HERC2: variants seen among roughly 807,000 people sequenced by gnomAD.
HERC2 encodes the protein HECT and RLD domain containing E3 ubiquitin protein ligase 2.
A neutral mutation model predicts 537.7 loss-of-function variants in HERC2; 102 were observed. The observed-to-expected ratio is 0.19, with a 90% CI of 0.16 to 0.22. The LOEUF is 0.22. Among genes scored for constraint, HERC2 ranks in the 10% least tolerant of loss-of-function variants. HERC2 has a pLI of 1.00. For synonymous variants in HERC2, 2,224 were observed against 2,466.2 expected, an observed-to-expected ratio of 0.90 and a Z score of 2.91; for missense variants, 4,236 against 6,198.2, an observed-to-expected ratio of 0.68 and a Z score of 10.63.
At chr15:28,221,950 C>T (rs1374778978) in intron 36 of HERC2, 78 bp downstream of exon 36, 38 of 1,037,426 alleles carry the variant, frequency 3.7e-5, no homozygotes, top group Non-Finnish European at 5.2e-5. Context: ...TTCCAATTTC[C>T]ACCCACCAAT....
chr15:28,160,146 G>T (rs1382411657), intron 69 of HERC2, among the ~76,000 whole-genome samples: 3 of 152,188 alleles, frequency 2.0e-5, no homozygotes, highest in African/African-American at 7.2e-5. Context: ...TGCTCCTACT[G>T]GGGGGTGCCT....
chr15:28,226,343 C>T (rs935180832), intron 35 of HERC2, among the ~76,000 whole-genome samples: 1 of 150,832 alleles, frequency 6.6e-6, no homozygotes, highest in African/African-American at 2.5e-5. Context: ...AGAAAGAAAA[C>T]ACACTTCTCA....
intron 65 of HERC2, 55 bp from the exon 66 acceptor site, chr15:28,169,710 T>C (rs1383792779): frequency 6.5e-7 from 1 of 1,534,348 alleles, no homozygotes; most frequent in Non-Finnish European, 8.9e-7. Flanking sequence ...TTGATCTATT[T>C]CTATAAAATC....
At chr15:28,251,407 C>A (rs2075074965) in intron 20 of HERC2, among the ~76,000 whole-genome samples, 1 of 150,430 alleles carries the variant, frequency 6.6e-6, no homozygotes, top group South Asian at 2.1e-4. Flanking sequence ...CGTGCCACTG[C>A]ACTCCAGTCT....
chr15:28,120,057 G>C (rs1207747213), intron 86 of HERC2, among the ~76,000 whole-genome samples: 1 of 152,188 alleles, frequency 6.6e-6, no homozygotes, highest in Non-Finnish European at 1.5e-5. Context: ...AATCGCGGGG[G>C]TTAGACAACG....
intron 15 of HERC2, among the ~76,000 whole-genome samples, chr15:28,261,946 A>T (rs2075425685): frequency 6.6e-6 from 1 of 152,106 alleles, no homozygotes; most frequent in Non-Finnish European, 1.5e-5. Context: ...AACGAACTAC[A>T]GCCCCCACAC....
Position 28,168,539 on chromosome 15 carries a change from C to T in HERC2, c.10281G>A (p.Glu3427=), listed in dbSNP as rs771110363. The T allele has an allele frequency of 4.3e-6, 7 of 1,614,108 alleles. No homozygotes were observed. The highest frequency in any genetic ancestry group is 5.9e-6 in the Non-Finnish European group (7 of 1,180,052). The part of the protein sequence containing the change: ...LMPAAMIAPV[E]CPSFSSAAPS... The stretch of plus-strand genomic sequence containing the variant: ...GGGCCGCCGAGGAGAACGAGGGGCA[C>T]TCCACCGGGGCGATCATGGCGGCCG... The change falls in exon 67 of 93, where the codon GAG becomes GAA. Residue 3427 remains glutamate (E), a synonymous_variant. Transcript: ENST00000261609.
chr15:28,231,845 A>C (rs935383094), intron 30 of HERC2, among the ~76,000 whole-genome samples: 5 of 152,156 alleles, frequency 3.3e-5, no homozygotes. Context: ...TTCCAAAAAA[A>C]AAAAAAGAAA....
At chr15:28,118,792 T>C (rs1888559089) in intron 86 of HERC2, among the ~76,000 whole-genome samples, 1 of 152,242 alleles carries the variant, frequency 6.6e-6, no homozygotes, top group South Asian at 2.1e-4. Flanking sequence ...TCCATGTTCA[T>C]TTTTAGGCAG....
chr15:28,214,052 T>C, intron 41 of HERC2, 24 bp downstream of exon 41: 1 of 1,613,148 alleles, frequency 6.2e-7, no homozygotes. Flanking sequence ...TTGAACTAAA[T>C]TAATTCTGAG....
In HERC2 at chr15:28,246,876, C is replaced by G; in HGVS notation, c.3257G>C (p.Gly1086Ala). Residue 1086 changes from glycine to alanine, a missense_variant, in exon 22 of 93, where the codon GGT becomes GCT. Physicochemically the swap from Gly to Ala is moderately conservative, Grantham distance 60 (BLOSUM62 0). Coordinates refer to ENST00000261609, the MANE Select transcript of HERC2 (RefSeq NM_004667.6). ...DISSPELMGV[G>A]SLLKKYTALL... ...GGCTGTGTACTTCTTCAGCAAGGAA[C>G]CAACACCCATTAGCTCTGGACCTTG... The G allele has an allele frequency of 6.2e-7, 1 of 1,609,202 alleles. No individual in the cohort carries two copies. Among genetic ancestry groups the G allele is most frequent in the Non-Finnish European group, 8.5e-7 (1 of 1,178,438 alleles).
chr15:28,234,179 G>A lies in HERC2; in HGVS notation c.4109C>T (p.Thr1370Ile). 1.1e-6 allele frequency: 1 copy of A among 915,192 alleles called. No individual in the cohort carries two copies. Among genetic ancestry groups the A allele is most frequent in the South Asian group, 1.3e-5 (1 of 76,534 alleles). The allele number at this position is 915,192 out of a possible 1,614,324, so 56.7% of individuals were successfully genotyped here. Residue 1370 changes from threonine to isoleucine, a missense_variant, in exon 27 of 93, where the codon ACA becomes ATA. By Grantham distance (89) the Thr-to-Ile change is moderately conservative. Transcript: ENST00000261609. ...DEDHCSSPGG[T>I]PASKSRLCSH... ...GCAGAGTCGAGATTTGCTGGCAGGT[G>A]TGCCCCCTGGGGAGCTGCAGTGGTC...
chr15:28,272,997 G>A lies in HERC2; in HGVS notation c.808C>T (p.His270Tyr), dbSNP rs1390942794. ...FLRSVVTGDV[H>Y]GTPATKGPGS... ...GGCCCTTTGGTGGCTGGCGTTCCGT[G>A]AACATCCCTGAAATGAAAGCAGTGG... Residue 270 changes from histidine (H) to tyrosine (Y), a missense_variant, in exon 8 of 93, where the codon CAC (histidine) becomes TAC (tyrosine). His to Tyr is a moderately conservative substitution (Grantham distance 83, BLOSUM62 2). Transcript: ENST00000261609. 10 of 1,611,990 alleles carry A rather than the reference G, an allele frequency of 6.2e-6. No homozygotes were observed. Among genetic ancestry groups the A allele is most frequent in the East Asian group, 2.2e-5 (1 of 44,884 alleles).
intron 20 of HERC2, among the ~76,000 whole-genome samples, chr15:28,251,614 A>C (rs1169257309): frequency 6.6e-6 from 1 of 152,204 alleles, no homozygotes; most frequent in African/African-American, 2.4e-5. Context: ...CAGCCTGGCC[A>C]ACATGGTGAA....
chr15:28,154,502 C>T (rs898709263), intron 69 of HERC2, among the ~76,000 whole-genome samples: 1 of 152,156 alleles, frequency 6.6e-6, no homozygotes, highest in Non-Finnish European at 1.5e-5. Flanking sequence ...CATCATCAAG[C>T]GCCCATGTGC....
At position 28,124,167 on chromosome 15, in the gene HERC2, A is replaced by T; in HGVS notation, c.13058T>A (p.Leu4353Gln). 4 of 1,576,246 alleles carry T rather than the reference A, an allele frequency of 2.5e-6. No homozygotes were observed. Among genetic ancestry groups the T allele is most frequent in the Non-Finnish European group, 3.4e-6 (4 of 1,160,398 alleles). The change falls in exon 85 of 93, where the codon CTG (leucine) becomes CAG (glutamine). Residue 4353 changes from leucine to glutamine, a missense_variant. Leu to Gln is a moderately radical substitution (Grantham distance 113). Around this residue, in one of 27 missense-constraint regions of HERC2, gnomAD observed 189 missense variants for 255.7 expected, o/e 0.74. Coordinates refer to ENST00000261609, the MANE Select transcript of HERC2 (RefSeq NM_004667.6). ...GCAGAAGAGCTCGGAGAGGTGGTGC[A>T]GCAGCAGCAGACGGTTCCTCAGCGC... is the stretch of plus-strand genomic sequence containing the variant. ...IIALRNRLLL[L>Q]HHLSELFCPC...
At chr15:28,311,772 C>G (rs1003254736) in intron 2 of HERC2, among the ~76,000 whole-genome samples, 50 of 152,134 alleles carry the variant, frequency 3.3e-4, no homozygotes, top group Non-Finnish European at 6.2e-4. Context: ...CTGCCCAGAC[C>G]TGAAAGCACT....
chr15:28,310,170 A>G (rs2076901882), intron 2 of HERC2, among the ~76,000 whole-genome samples: 1 of 152,250 alleles, frequency 6.6e-6, no homozygotes, highest in Non-Finnish European at 1.5e-5. Context: ...CAGAAAGCTG[A>G]GCATGGTGGC....
intron 55 of HERC2, chr15:28,190,403 A>G (rs1896747632): frequency 6.6e-6 from 1 of 152,428 alleles, no homozygotes; most frequent in African/African-American, 2.4e-5. Flanking sequence ...AAGGTTTACT[A>G]AAAATTTGAG....
Sources: allele counts gnomAD v4.1 joint callset (sites outside exome capture counted in the v4.1 genomes callset), GRCh38; gene constraint gnomAD v4.1.1; regional missense constraint gnomAD v4.1.1; transcripts MANE v1.5; gene names NCBI Gene and HGNC (gene_info 2026-07-23, HGNC 2026-07-21).